Variants in EXTL3 observed in about 807,000 individuals in gnomAD.
The protein encoded by EXTL3 is exostosin-like 3.
EXTL3 carries 27 observed loss-of-function variants against 69.3 expected under a neutral mutation model. The ratio of observed to expected loss-of-function variants is 0.39; its 90% CI spans 0.29 to 0.54. EXTL3 has a LOEUF of 0.54. Ranked by LOEUF, EXTL3 falls within the 20% of genes least tolerant of loss-of-function variation. EXTL3 has a pLI of 0.69. For missense variants in EXTL3, 1,003 were observed against 1,231.8 expected, an observed-to-expected ratio of 0.81 and a Z score of 2.78; for synonymous variants, 511 against 499.4, an observed-to-expected ratio of 1.02 and a Z score of -0.31.
chr8:28,673,011 G>A (rs1807322584), intron 1 of EXTL3, among the ~76,000 whole-genome samples: 1 of 152,202 alleles, frequency 6.6e-6, no homozygotes, highest in South Asian at 2.1e-4. Flanking sequence ...TGTAAGATGT[G>A]CCTTTAGCCT....
At chr8:28,712,987 C>T (rs1484125623) in intron 1 of EXTL3, among the ~76,000 whole-genome samples, 1 of 152,110 alleles carries the variant, frequency 6.6e-6, no homozygotes, top group Non-Finnish European at 1.5e-5. Context: ...CCATGGGTAC[C>T]CATCATTCAG....
exon 1 of EXTL3, chr8:28,622,787 C>T (rs975947394): frequency 6.6e-6 from 1 of 152,422 alleles, no homozygotes; most frequent in Non-Finnish European, 1.5e-5. Flanking sequence ...CGCTGGAGAC[C>T]GCGGGACCTG....
upstream of EXTL3, among the ~76,000 whole-genome samples, chr8:28,618,264 C>T (rs1287402660): frequency 6.6e-6 from 1 of 151,558 alleles, no homozygotes; most frequent in African/African-American, 2.4e-5. Flanking sequence ...GTCAGGAGTT[C>T]AAGACCAGCC....
chr8:28,650,483 G>A (rs1323207634), intron 1 of EXTL3, among the ~76,000 whole-genome samples: 1 of 151,490 alleles, frequency 6.6e-6, no homozygotes, highest in Non-Finnish European at 1.5e-5. Context: ...TCAGCCTCCC[G>A]AGCAGCTGGG....
chr8:28,619,266 T>TAAAAAAAAAAAAAAAAAAA (rs755355444), upstream of EXTL3, among the ~76,000 whole-genome samples: 3 of 64,654 alleles, frequency 4.6e-5, 1 homozygote, highest in Non-Finnish European at 8.3e-5. Context: ...AGCTTAGTGA[T>TAAAAAAAAAAAAAAAAAAA]AAAAAAAAAA....
At chr8:28,688,548 G>C (rs955175178) in intron 1 of EXTL3, among the ~76,000 whole-genome samples, 13 of 152,218 alleles carry the variant, frequency 8.5e-5, no homozygotes, top group African/African-American at 3.1e-4. Flanking sequence ...GTAGTGGAGA[G>C]AGTATAGAGA....
intron 6 of EXTL3, among the ~76,000 whole-genome samples, chr8:28,744,941 T>G (rs1223444522): frequency 6.6e-6 from 1 of 150,494 alleles, no homozygotes; most frequent in Non-Finnish European, 1.5e-5. Flanking sequence ...CCAGCCTGGG[T>G]GACTGAGTGA....
At chr8:28,636,912 G>A (rs1383454306) in intron 1 of EXTL3, among the ~76,000 whole-genome samples, 2 of 151,584 alleles carry the variant, frequency 1.3e-5, no homozygotes, top group Non-Finnish European at 2.9e-5. Flanking sequence ...AACCCAGGAG[G>A]CAGAGGTTGC....
intron 1 of EXTL3, among the ~76,000 whole-genome samples, chr8:28,660,387 T>C (rs1168013437): frequency 1.3e-5 from 2 of 151,538 alleles, no homozygotes; most frequent in Non-Finnish European, 2.9e-5. Context: ...AAAAAGTTGT[T>C]AGGTAGACAT....
At chr8:28,683,110 T>C (rs768945955) in intron 1 of EXTL3, among the ~76,000 whole-genome samples, 1 of 152,186 alleles carries the variant, frequency 6.6e-6, no homozygotes, top group Non-Finnish European at 1.5e-5. Context: ...TTCTGTTCCA[T>C]TGGTCTATGT....
intron 2 of EXTL3, among the ~76,000 whole-genome samples, chr8:28,613,961 A>G (rs747412314): frequency 3.9e-5 from 6 of 152,000 alleles, no homozygotes; most frequent in Admixed American, 1.3e-4. Flanking sequence ...CTAGGACTAC[A>G]GGCCCATGCA....
intron 1 of EXTL3, among the ~76,000 whole-genome samples, chr8:28,624,764 AG>A (rs2130548671): frequency 6.6e-6 from 1 of 152,346 alleles, no homozygotes; most frequent in African/African-American, 2.4e-5. Context: ...GAAGCTTAAA[AG>A]GAAGTTTAAA....
chr8:28,614,814 T>A (rs1806311472), intron 2 of EXTL3, among the ~76,000 whole-genome samples: 1 of 152,240 alleles, frequency 6.6e-6, no homozygotes, highest in Non-Finnish European at 1.5e-5. Context: ...ATGTTTTTCA[T>A]TTCCAACTTT....
intron 1 of EXTL3, among the ~76,000 whole-genome samples, chr8:28,683,975 C>G (rs1807536159): frequency 6.6e-6 from 1 of 152,158 alleles, no homozygotes; most frequent in Admixed American, 6.5e-5. Context: ...ACTCTCTACT[C>G]CATGAATTCA....
At chr8:28,733,411 C>A (rs1801580657) in intron 4 of EXTL3, among the ~76,000 whole-genome samples, 1 of 151,800 alleles carries the variant, frequency 6.6e-6, no homozygotes, top group African/African-American at 2.4e-5. Context: ...TATATACACA[C>A]ACACACAGAT....
intron 1 of EXTL3, among the ~76,000 whole-genome samples, chr8:28,704,955 C>G (rs1300134661): frequency 6.6e-6 from 1 of 152,228 alleles, no homozygotes; most frequent in Admixed American, 6.5e-5. Context: ...CATCCGGCTT[C>G]CTTTGTTTCT....
intron 4 of EXTL3, among the ~76,000 whole-genome samples, chr8:28,736,637 TG>T (rs1255938935): frequency 1.3e-5 from 2 of 152,162 alleles, no homozygotes; most frequent in Admixed American, 6.6e-5. Flanking sequence ...GAATTAGGAG[TG>T]GTGCAGTTCA....
intron 2 of EXTL3, among the ~76,000 whole-genome samples, chr8:28,616,706 CCTCT>C (rs943803180): frequency 6.6e-6 from 1 of 151,848 alleles, no homozygotes; most frequent in Non-Finnish European, 1.5e-5. Context: ...TAAGAGTTTT[CCTCT>C]CTAAGTGAAT....
chr8:28,656,699 C>A (rs1005111844), intron 1 of EXTL3, among the ~76,000 whole-genome samples: 4 of 152,098 alleles, frequency 2.6e-5, no homozygotes, highest in Non-Finnish European at 5.9e-5. Context: ...TTACTGACTT[C>A]ATGTAAAGCC....
Sources: gnomAD v4.1 joint callset for allele counts (sites outside exome capture counted in the v4.1 genomes callset) on GRCh38, gnomAD v4.1.1 for gene constraint, MANE v1.5 for transcripts, NCBI Gene and HGNC (gene_info 2026-07-23, HGNC 2026-07-21) for gene names.